LINGO2: variants seen among roughly 807,000 people sequenced by gnomAD.
LINGO2 encodes leucine-rich repeat and immunoglobulin-like domain-containing nogo receptor-interacting protein 2.
A neutral mutation model predicts 30.6 loss-of-function variants in LINGO2; 14 were observed. The ratio of observed to expected loss-of-function variants is 0.46; its 90% CI spans 0.30 to 0.72. The LOEUF is 0.72. LINGO2 is among the 30% of genes least tolerant of loss of function. LINGO2 has a pLI of 0.07. For synonymous variants in LINGO2, 317 were observed against 288.5 expected, an observed-to-expected ratio of 1.10 and a Z score of -1.00; for missense variants, 729 against 751.7, an observed-to-expected ratio of 0.97 and a Z score of 0.35.
the LINGO2 span, among the ~76,000 whole-genome samples, chr9:29,009,694 T>C: frequency 2.0e-5 from 3 of 152,090 alleles, no homozygotes; most frequent in African/African-American, 7.2e-5. Flanking sequence ...AAAGTTCATA[T>C]GGAACCAAAA....
At chr9:28,170,285 T>C (rs1263316203) in intron 4 of LINGO2, among the ~76,000 whole-genome samples, 1 of 152,212 alleles carries the variant, frequency 6.6e-6, no homozygotes, top group Non-Finnish European at 1.5e-5. Flanking sequence ...TATGTAAATA[T>C]ATTACTTAAA....
At chr9:28,257,229 G>A (rs1481492763) in intron 4 of LINGO2, among the ~76,000 whole-genome samples, 2 of 151,778 alleles carry the variant, frequency 1.3e-5, no homozygotes, top group Non-Finnish European at 2.9e-5. Flanking sequence ...ATAGCATAAA[G>A]CGTCTCTTAG....
intron 4 of LINGO2, among the ~76,000 whole-genome samples, chr9:28,202,964 G>A (rs1564039949): frequency 6.6e-6 from 1 of 152,034 alleles, no homozygotes; most frequent in Non-Finnish European, 1.5e-5. Flanking sequence ...GTAAAGCAGG[G>A]GCTTTGTTTG....
chr9:28,912,056 G>C, the LINGO2 span, among the ~76,000 whole-genome samples: 1 of 152,078 alleles, frequency 6.6e-6, no homozygotes, highest in Non-Finnish European at 1.5e-5. Context: ...TCCTTTTCTA[G>C]AGTCTCTCTA....
chr9:29,204,291 T>G, the LINGO2 span, among the ~76,000 whole-genome samples: 1 of 152,232 alleles, frequency 6.6e-6, no homozygotes, highest in Non-Finnish European at 1.5e-5. Flanking sequence ...GGAAAATCTT[T>G]CTATCTTTCA....
chr9:28,118,173 C>T (rs1281196159), intron 4 of LINGO2, among the ~76,000 whole-genome samples: 1 of 151,984 alleles, frequency 6.6e-6, no homozygotes, highest in African/African-American at 2.4e-5. Flanking sequence ...TGCAGCAAAC[C>T]ACTATGGCAC....
At chr9:28,086,430 G>A (rs1474998109) in intron 4 of LINGO2, among the ~76,000 whole-genome samples, 6 of 152,032 alleles carry the variant, frequency 3.9e-5, no homozygotes, top group Non-Finnish European at 8.8e-5. Context: ...AACTTTAAAT[G>A]AAGTTTTTCC....
downstream of LINGO2, among the ~76,000 whole-genome samples, chr9:27,944,915 A>C (rs571330811): frequency 3.9e-4 from 59 of 152,276 alleles, no homozygotes; most frequent in African/African-American, 1.3e-3. Context: ...ATAATCTCTG[A>C]TTCTTCTTCA....
chr9:28,512,351 C>T (rs1488713561), intron 1 of LINGO2, among the ~76,000 whole-genome samples: 9 of 151,680 alleles, frequency 5.9e-5, no homozygotes, highest in Non-Finnish European at 1.0e-4. Context: ...CTCCAAAATC[C>T]TAGAGGCCTC....
chr9:28,099,626 A>G (rs1826351222), intron 4 of LINGO2, among the ~76,000 whole-genome samples: 1 of 152,190 alleles, frequency 6.6e-6, no homozygotes, highest in Non-Finnish European at 1.5e-5. Flanking sequence ...TCACCTCAGA[A>G]TTATGTTTGT....
chr9:28,766,674 CAT>C, the LINGO2 span, among the ~76,000 whole-genome samples: 1 of 151,960 alleles, frequency 6.6e-6, no homozygotes, highest in South Asian at 2.1e-4. Context: ...AAATTACCTA[CAT>C]GTTTGTCCAT....
intron 2 of LINGO2, among the ~76,000 whole-genome samples, chr9:28,463,768 A>G (rs962344185): frequency 1.9e-4 from 28 of 148,820 alleles, no homozygotes; most frequent in African/African-American, 6.7e-4. Flanking sequence ...ATGAAAAAAA[A>G]TGATGATTTA....
At chr9:28,381,066 G>T (rs553873568) in intron 2 of LINGO2, among the ~76,000 whole-genome samples, 2 of 151,960 alleles carry the variant, frequency 1.3e-5, no homozygotes, top group East Asian at 1.9e-4. Flanking sequence ...ATCCACCATT[G>T]GTTGGTAAAA....
intron 4 of LINGO2, among the ~76,000 whole-genome samples, chr9:28,186,061 T>A (rs1252231493): frequency 6.6e-6 from 1 of 152,172 alleles, no homozygotes; most frequent in Non-Finnish European, 1.5e-5. Flanking sequence ...TCTTCCATTC[T>A]CCTTTTACCT....
the LINGO2 span, among the ~76,000 whole-genome samples, chr9:28,865,087 G>C: frequency 1.3e-5 from 2 of 152,150 alleles, no homozygotes; most frequent in Non-Finnish European, 2.9e-5. Flanking sequence ...TTAGCAATGA[G>C]AAGGGTGGGG....
chr9:28,399,732 C>T (rs1210913742), intron 2 of LINGO2, among the ~76,000 whole-genome samples: 1 of 151,978 alleles, frequency 6.6e-6, no homozygotes, highest in African/African-American at 2.4e-5. Context: ...AGAAAGAGTT[C>T]CTAAGAAGGC....
rs78066147 is a variant in LINGO2 at position 28,366,185 on chromosome 9, T to A, written c.-246+6651A>T. On this transcript the variant is annotated intron_variant, in intron 3 of 5. Transcript: ENST00000379992. ...CTACAGCTTGCTTCCCTGGTGGTTG[T>A]TGCATCTGTGAAGAAGAAGCAGGGC... Among the ~76,000 whole-genome samples the A allele has an allele frequency of 2.4e-3, 369 of 152,306 alleles. 10 individuals carry two copies. The East Asian group carries it at 0.06, about 25-fold the overall frequency.
At chr9:28,766,230 A>T in the LINGO2 span, among the ~76,000 whole-genome samples, 72,047 of 151,800 alleles carry the variant, frequency 0.47, 18,785 homozygotes, top group Non-Finnish European at 0.58. Context: ...TTTGTAAGGA[A>T]CTCACATAAC....
At chr9:28,111,956 T>C (rs1181839016) in intron 4 of LINGO2, among the ~76,000 whole-genome samples, 2 of 149,090 alleles carry the variant, frequency 1.3e-5, no homozygotes, top group Non-Finnish European at 3.0e-5. Context: ...ATGTGCACAT[T>C]GTGCAGGTTA....
Sources: allele counts gnomAD v4.1 joint callset (sites outside exome capture counted in the v4.1 genomes callset), GRCh38; gene constraint gnomAD v4.1.1; transcripts MANE v1.5; gene names NCBI Gene and HGNC (gene_info 2026-07-23, HGNC 2026-07-21).